Variants in FHIT observed in about 807,000 individuals in gnomAD.
FHIT encodes fragile histidine triad diadenosine triphosphatase.
FHIT carries 19 observed loss-of-function variants against 17.9 expected under a neutral mutation model. The ratio of observed to expected loss-of-function variants is 1.06; its 90% confidence interval spans 0.74 to 1.56. The LOEUF (loss-of-function observed/expected upper bound fraction) is 1.56, where lower values mean the gene tolerates loss of function less well. Among genes scored for constraint, FHIT ranks in the 40% most tolerant of loss-of-function variants. FHIT has a pLI of 0.00. For missense variants in FHIT, 248 were observed against 189.2 expected (o/e 1.31, Z -1.82); for synonymous variants, 81 against 69.7 (o/e 1.16, Z -0.81).
intron 8 of FHIT, among the ~76,000 whole-genome samples, chr3:59,803,668 A>G (rs1363121537): frequency 6.6e-6 from 1 of 152,196 alleles, no homozygotes; most frequent in Non-Finnish European, 1.5e-5. Context: ...TTTTCAAGCT[A>G]TTAAAGGTGA....
At chr3:60,402,573 T>G (rs1406358227) in intron 5 of FHIT, among the ~76,000 whole-genome samples, 1 of 152,212 alleles carries the variant, frequency 6.6e-6, no homozygotes, top group Non-Finnish European at 1.5e-5. Context: ...TGATTCACTC[T>G]AATCATTTAA....
chr3:61,042,581 G>C (rs2033571822), intron 2 of FHIT, among the ~76,000 whole-genome samples: 1 of 152,160 alleles, frequency 6.6e-6, no homozygotes, highest in Non-Finnish European at 1.5e-5. Flanking sequence ...GCTCACACCT[G>C]TGATCCCAGC....
intron 5 of FHIT, among the ~76,000 whole-genome samples, chr3:60,150,572 T>C (rs987010050): frequency 6.6e-6 from 1 of 152,200 alleles, no homozygotes; most frequent in African/African-American, 2.4e-5. Context: ...TTCTCCCACC[T>C]CAGTCTCGAA....
chr3:61,002,802 A>G (rs974675615), intron 3 of FHIT, among the ~76,000 whole-genome samples: 1 of 151,900 alleles, frequency 6.6e-6, no homozygotes, highest in African/African-American at 2.4e-5. Flanking sequence ...TGGATTGCAA[A>G]CCCATCTCAG....
At chr3:60,288,839 A>T (rs1375095788) in intron 5 of FHIT, among the ~76,000 whole-genome samples, 2 of 152,324 alleles carry the variant, frequency 1.3e-5, no homozygotes, top group Admixed American at 6.5e-5. Context: ...TTTAACAACT[A>T]TATCTTCAAA....
At chr3:61,065,883 A>G (rs150675269) in intron 2 of FHIT, among the ~76,000 whole-genome samples, 98 of 152,286 alleles carry the variant, frequency 6.4e-4, no homozygotes, top group Non-Finnish European at 1.2e-3. Context: ...GATGCCTTCA[A>G]CTTACTGTAT....
intron 5 of FHIT, among the ~76,000 whole-genome samples, chr3:60,090,590 G>C (rs1185205054): frequency 6.6e-6 from 1 of 152,146 alleles, no homozygotes; most frequent in Non-Finnish European, 1.5e-5. Context: ...AGTAATTGAA[G>C]GGAAGGGAGC....
chr3:60,773,671 T>C (rs1700120869), intron 4 of FHIT, among the ~76,000 whole-genome samples: 1 of 152,268 alleles, frequency 6.6e-6, no homozygotes. Context: ...TTTGCTCTTC[T>C]AGCTTACAAG....
At chr3:60,229,892 G>A (rs1030441143) in intron 5 of FHIT, among the ~76,000 whole-genome samples, 5 of 152,146 alleles carry the variant, frequency 3.3e-5, no homozygotes, top group Non-Finnish European at 7.4e-5. Flanking sequence ...TGTGGCAGGA[G>A]GACAGCTTGA....
At chr3:61,219,182 G>T (rs1524017) in intron 1 of FHIT, among the ~76,000 whole-genome samples, 1 of 151,850 alleles carries the variant, frequency 6.6e-6, no homozygotes, top group South Asian at 2.1e-4. Flanking sequence ...TAAAAATATA[G>T]TATTATAATA....
intron 5 of FHIT, among the ~76,000 whole-genome samples, chr3:60,409,086 A>C (rs567694363): frequency 3.9e-5 from 6 of 152,188 alleles, no homozygotes; most frequent in Admixed American, 3.3e-4. Flanking sequence ...CTTCTCAGCA[A>C]AACAGGAGAG....
intron 3 of FHIT, among the ~76,000 whole-genome samples, chr3:60,858,401 A>G (rs2106946166): frequency 6.6e-6 from 1 of 152,316 alleles, no homozygotes; most frequent in East Asian, 1.9e-4. Context: ...AGGGAGCAGC[A>G]TTCAGAACCA....
intron 5 of FHIT, among the ~76,000 whole-genome samples, chr3:60,479,993 A>G (rs2033533589): frequency 6.6e-6 from 1 of 152,170 alleles, no homozygotes; most frequent in South Asian, 2.1e-4. Context: ...GTATTAGTCC[A>G]TTTTCACAAT....
chr3:60,590,550 C>T (rs531840748), intron 4 of FHIT, among the ~76,000 whole-genome samples: 37 of 152,214 alleles, frequency 2.4e-4, no homozygotes, highest in Admixed American at 5.2e-4. Context: ...TAAATAATAT[C>T]CAAAACCATT....
intron 8 of FHIT, among the ~76,000 whole-genome samples, chr3:59,785,044 A>C (rs747602318): frequency 1.3e-5 from 2 of 150,558 alleles, no homozygotes; most frequent in African/African-American, 5.0e-5. Context: ...CCCGAGCAAC[A>C]AGAGAGAGAG....
intron 7 of FHIT, among the ~76,000 whole-genome samples, chr3:59,966,972 A>G (rs1171702290): frequency 2.0e-5 from 3 of 152,218 alleles, no homozygotes; most frequent in South Asian, 2.1e-4. Flanking sequence ...AATACACTGT[A>G]CAGGTATACA....
intron 4 of FHIT, among the ~76,000 whole-genome samples, chr3:60,726,384 C>T (rs1553709575): frequency 6.6e-6 from 1 of 152,130 alleles, no homozygotes; most frequent in Admixed American, 6.5e-5. Context: ...TAGATGGCAT[C>T]AATTTTCAAA....
chr3:60,586,605 T>C (rs570415873), intron 4 of FHIT, among the ~76,000 whole-genome samples: 12 of 152,090 alleles, frequency 7.9e-5, no homozygotes, highest in African/African-American at 2.2e-4. Context: ...TGCCCAGCAA[T>C]GATAGACTGA....
chr3:60,778,730 T>C (rs1398055898), intron 4 of FHIT, among the ~76,000 whole-genome samples: 1 of 152,138 alleles, frequency 6.6e-6, no homozygotes, highest in Non-Finnish European at 1.5e-5. Flanking sequence ...CCAATAAGAA[T>C]CCATTTTTCT....
Sources: gnomAD v4.1 joint callset for allele counts (sites outside exome capture counted in the v4.1 genomes callset) on GRCh38, gnomAD v4.1.1 for gene constraint, MANE v1.5 for transcripts, NCBI Gene and HGNC (gene_info 2026-07-23, HGNC 2026-07-21) for gene names.